TAF1L: variants seen among roughly 807,000 people sequenced by gnomAD.
TAF1L encodes the protein transcription initiation factor TFIID subunit 1-like.
A neutral mutation model predicts 128.8 loss-of-function variants in TAF1L; 30 were observed. The observed-to-expected ratio is 0.23, with a 90% CI of 0.17 to 0.32. The LOEUF is 0.32. Among genes scored for constraint, TAF1L ranks in the 10% least tolerant of loss-of-function variants. The pLI is 1.00. For missense variants in TAF1L, 2,099 were observed against 2,253.7 expected, an observed-to-expected ratio of 0.93 and a Z score of 1.39; for synonymous variants, 764 against 790.7, an observed-to-expected ratio of 0.97 and a Z score of 0.57.
Position 32,635,094 on chromosome 9 carries a change from C to G in TAF1L, c.486G>C (p.Pro162=), listed in dbSNP as rs538824130. 2 of 1,613,794 alleles carry G rather than the reference C, an allele frequency of 1.2e-6. No individual in the cohort carries two copies. The highest frequency in any genetic ancestry group is 1.3e-5 in the African/African-American group (1 of 74,912). ...GGTCCTTATCCTTCTTCATTGGTCC[C>G]GGGGGTGGAGGTGGAGGAGGCATCA... is the stretch of plus-strand genomic sequence containing the variant. ...CKLMPPPPPP[P]GPMKKDKDQD... is the part of the protein sequence containing the mutation. The change falls in exon 1 of 1, where the codon CCG becomes CCC. Residue 162 remains proline (P), a synonymous_variant. Transcript: ENST00000242310.
In TAF1L at chr9:32,631,052, A is replaced by G. The variant is rs1441028124; in HGVS notation, c.4528T>C (p.Leu1510=). The change falls in exon 1 of 1, where the codon TTA becomes CTA. Residue 1510 remains leucine, a synonymous_variant. Transcript: ENST00000242310. The surrounding 1 kb of genome is among the most constrained non-coding windows in gnomAD (Gnocchi z 4.1). ...LKEKEDKLAR[L]EKAINPLLDD... ...AGCAAGGGGTTGATAGCTTTCTCTAAGCGAGCTAATTTGTCTTCTTTCTCT... is the reference window on the plus strand; with the variant it reads ...AGCAAGGGGTTGATAGCTTTCTCTAGGCGAGCTAATTTGTCTTCTTTCTCT... The G allele has an allele frequency of 6.2e-7, 1 of 1,614,072 alleles. No homozygotes were observed. The highest frequency in any genetic ancestry group is 1.1e-5 in the South Asian group (1 of 91,084).
rs1381253882 is a variant in TAF1L at position 32,630,432 on chromosome 9, A to G, written c.5148T>C (p.Ser1716=). 6.2e-7 allele frequency: 1 copy of G among 1,614,190 alleles called. No individual in the cohort carries two copies. The highest frequency in any genetic ancestry group is 8.5e-7 in the Non-Finnish European group (1 of 1,180,042). ...QGQGRLGEED[S]DVDVEGYDDE... Reference sequence around the variant, plus strand: ...CATCATACCCTTCAACATCCACATCAGAGTCTTCCTCACCCAGCCTACCTT... The same window carrying G: ...CATCATACCCTTCAACATCCACATCGGAGTCTTCCTCACCCAGCCTACCTT... The change falls in exon 1 of 1, where the codon TCT becomes TCC. Residue 1716 remains serine, a synonymous_variant. Transcript: ENST00000242310.
Position 32,633,512 on chromosome 9 carries a change from G to C in TAF1L, c.2068C>G (p.Leu690Val). 6.2e-7 allele frequency: 1 copy of C among 1,614,184 alleles called. No homozygotes were observed. Among genetic ancestry groups the C allele is most frequent in the African/African-American group, 1.3e-5 (1 of 75,038 alleles). ...ATAAGATCTCCATCTTTGCCTGTGA[G>C]ATCCTGAGGTGTGCGCATAAAAAAC... ...ELFFMRTPQDLTGKDGDLILA... is the reference protein window; with the variant it reads ...ELFFMRTPQDVTGKDGDLILA... The change falls in exon 1 of 1, where the codon CTC becomes GTC. Residue 690 changes from leucine to valine, a missense_variant. By Grantham distance (32) the Leu-to-Val change is conservative. Coordinates refer to ENST00000242310, the MANE Select transcript of TAF1L (RefSeq NM_153809.2).
chr9:32,633,300 C>T lies in TAF1L; in HGVS notation c.2280G>A (p.Gln760=). 6.2e-7 allele frequency: 1 copy of T among 1,614,166 alleles called. No homozygotes were observed. The highest frequency in any genetic ancestry group is 8.5e-7 in the Non-Finnish European group (1 of 1,180,030). The change falls in exon 1 of 1, where the codon CAG becomes CAA. Residue 760 remains glutamine (Q), a synonymous_variant. Transcript: ENST00000242310. ...LGSLHPGQLL[Q]ALENNLFRAP... is the part of the protein sequence containing the mutation. ...CACGAAAAAGGTTGTTCTCAAGTGC[C>T]TGCAGTAATTGGCCAGGATGGAGAG...
chr9:32,631,138 G>C lies in TAF1L; in HGVS notation c.4442C>G (p.Pro1481Arg). The part of the protein sequence containing the change: ...IVKNSATYNG[P>R]KHSLTQISQS... ...AGAGATCTGAGTCAATGAATGTTTT[G>C]GCCCATTGTAGGTCGCACTGTTTTT... The change falls in exon 1 of 1, where the codon CCA (proline) becomes CGA (arginine). Residue 1481 changes from proline (P) to arginine (R), a missense_variant. By Grantham distance (103) the Pro-to-Arg change is moderately radical. Coordinates refer to ENST00000242310, the MANE Select transcript of TAF1L (RefSeq NM_153809.2). This position sits in a 1 kb window ranked among gnomAD's most constrained non-coding sequence, Gnocchi z 4.1. 3 of 1,614,122 alleles carry C rather than the reference G, an allele frequency of 1.9e-6. No homozygotes were observed. The highest frequency in any genetic ancestry group is 2.7e-5 in the African/African-American group (2 of 75,024).
rs1323461146 is a variant in TAF1L, at chr9:32,632,399, C to T, written c.3181G>A (p.Gly1061Arg). Residue 1061 changes from glycine to arginine, a missense_variant, in exon 1 of 1, where the codon GGG (glycine) becomes AGG (arginine). This residue lies in a region of TAF1L where 1,213 missense variants were observed against 1,391.4 expected (regional missense o/e 0.87). Transcript: ENST00000242310. This position sits in a 1 kb window ranked among gnomAD's most constrained non-coding sequence, Gnocchi z 4.4. ...MSTEQAHSGEGPMSKFARGSR... is the reference protein window; with the variant it reads ...MSTEQAHSGERPMSKFARGSR... ...CCACGGGCAAATTTACTCATGGGCC[C>T]CTCTCCAGAATGAGCCTGTTCTGTT... 7 of 1,614,070 alleles carry T rather than the reference C, an allele frequency of 4.3e-6. No homozygotes were observed. In the South Asian group the frequency reaches 6.6e-5, roughly 15 times the overall value.
chr9:32,634,965 G>C lies in TAF1L; in HGVS notation c.615C>G (p.Tyr205Ter). ...GTCCCATCTCAGATTCTGAATCAGAGTAACTACTGAAATCCACTTTCTCTG... is the reference window on the plus strand; with the variant it reads ...GTCCCATCTCAGATTCTGAATCAGACTAACTACTGAAATCCACTTTCTCTG... ...LASEKVDFSS[Y>*]SDSESEMGPQ... Residue 205 changes from tyrosine to a stop codon, truncating the protein, a stop_gained, in exon 1 of 1, where the codon TAC becomes TAG. Transcript: ENST00000242310. LOFTEE classifies it high-confidence loss of function. 6.2e-7 allele frequency: 1 copy of C among 1,614,130 alleles called. No homozygotes were observed. The highest frequency in any genetic ancestry group is 8.5e-7 in the Non-Finnish European group (1 of 1,180,032).
chr9:32,634,775 T>C lies in TAF1L; in HGVS notation c.805A>G (p.Lys269Glu), dbSNP rs1401193369. ...LRFLHLFGPG[K>E]NVPSVWRSAR... ...CTCCGCCAAACAGATGGGACATTCT[T>C]CCCTGGTCCAAAAAGATGTAGGAAG... Residue 269 changes from lysine to glutamate, a missense_variant, in exon 1 of 1, where the codon AAG becomes GAG. Around this residue, in one of 4 missense-constraint regions of TAF1L, gnomAD observed 473 missense variants for 429.6 expected, o/e 1.10. Coordinates refer to ENST00000242310, the MANE Select transcript of TAF1L (RefSeq NM_153809.2). The C allele has an allele frequency of 6.2e-7, 1 of 1,614,192 alleles. No homozygotes were observed. The highest frequency in any genetic ancestry group is 8.5e-7 in the Non-Finnish European group (1 of 1,180,030).
rs1482382382 is a variant in TAF1L, at chr9:32,632,685, A to G, written c.2895T>C (p.Cys965=). ...CTGCCACCCCAGTCACCTCTAGGAG[A>G]CACTTGCCCTTCATGGCAGCAATGA... ...RAFIAAMKGK[C]LLEVTGVADP... Residue 965 remains cysteine (C), a synonymous_variant, in exon 1 of 1, where the codon TGT becomes TGC. Coordinates refer to ENST00000242310, the MANE Select transcript of TAF1L (RefSeq NM_153809.2). The surrounding 1 kb of genome is among the most constrained non-coding windows in gnomAD (Gnocchi z 4.4). The G allele has an allele frequency of 6.2e-7, 1 of 1,614,164 alleles. No homozygotes were observed. The highest frequency in any genetic ancestry group is 1.7e-5 in the Admixed American group (1 of 60,018).
In TAF1L at chr9:32,635,603, G is replaced by T. The variant is rs773992512; in HGVS notation, c.-24C>A. On this transcript the variant is annotated 5_prime_UTR_variant, in exon 1 of 1. Transcript: ENST00000242310. ...ATAAACCGGAAATAAAACAACAGTC[G>T]CCCGGAAGTGATCTACTTAGCTCCC... The T allele has an allele frequency of 3.5e-6, 5 of 1,439,434 alleles. No individual in the cohort carries two copies. In the East Asian group the frequency reaches 1.3e-4, roughly 37 times the overall value. The allele number at this position is 1,439,434 out of a possible 1,614,324, so 89.2% of individuals were successfully genotyped here. A position where few individuals can be genotyped will look rare whatever the true frequency, so the allele number is the denominator to read the frequency against.
In TAF1L at chr9:32,633,697, G is replaced by C; in HGVS notation, c.1883C>G (p.Pro628Arg). ...GCGATGGAACTGCCGGATTTTGATG[G>C]GCCCCATGTGGGTGGGAAAGAAGGG... is the stretch of plus-strand genomic sequence containing the variant. ...WQPFFPTHMG[P>R]IKIRQFHRPP... Residue 628 changes from proline to arginine, a missense_variant, in exon 1 of 1, where the codon CCC (proline) becomes CGC (arginine). Transcript: ENST00000242310. 1 of 1,614,186 alleles carries C rather than the reference G, an allele frequency of 6.2e-7. No homozygotes were observed. The highest frequency in any genetic ancestry group is 8.5e-7 in the Non-Finnish European group (1 of 1,180,028).
In TAF1L at chr9:32,631,365, T is replaced by G. The variant is rs779802760; in HGVS notation, c.4215A>C (p.Ser1405=). ...CATTGATGATAGACTCCAGGATGGA[T>G]GACAGCGTCACCATAGGGTCTGTGC... ...RRRTDPMVTL[S]SILESIINDM... The change falls in exon 1 of 1, where the codon TCA becomes TCC. Residue 1405 remains serine, a synonymous_variant. Coordinates refer to ENST00000242310, the MANE Select transcript of TAF1L (RefSeq NM_153809.2). The surrounding 1 kb of genome is among the most constrained non-coding windows in gnomAD (Gnocchi z 4.1). 3.1e-6 allele frequency: 5 copies of G among 1,614,190 alleles called. No individual in the cohort carries two copies. The highest frequency in any genetic ancestry group is 4.2e-6 in the Non-Finnish European group (5 of 1,180,040).
chr9:32,630,845 G>A lies in TAF1L; in HGVS notation c.4735C>T (p.His1579Tyr). The change falls in exon 1 of 1, where the codon CAC (histidine) becomes TAC (tyrosine). Residue 1579 changes from histidine to tyrosine, a missense_variant. This residue lies in a region of TAF1L where 404 missense variants were observed against 406.5 expected (regional missense o/e 0.99). Transcript: ENST00000242310. ...AAACTCTCCCGACTCTGATACTTGT[G>A]CTTGGAGATGTTCTTACGTATGGTC... is the stretch of plus-strand genomic sequence containing the variant. ...LETIRKNISK[H>Y]KYQSRESFLD... 6.2e-7 allele frequency: 1 copy of A among 1,614,166 alleles called. No individual in the cohort carries two copies. The highest frequency in any genetic ancestry group is 8.5e-7 in the Non-Finnish European group (1 of 1,180,038).
Position 32,632,638 on chromosome 9 carries a change from C to G in TAF1L, c.2942G>C (p.Gly981Ala). 1.2e-6 allele frequency: 2 copies of G among 1,614,182 alleles called. No individual in the cohort carries two copies. Among genetic ancestry groups the G allele is most frequent in the South Asian group, 2.2e-5 (2 of 91,084 alleles). The part of the protein sequence containing the change: ...GVADPTGCGE[G>A]FSYVKIPNKP... ...ATTTGGAATCTTCACATAGGAGAAT[C>G]CTTCACCACACCCTGTGGGATCTGC... The change falls in exon 1 of 1, where the codon GGA becomes GCA. Residue 981 changes from glycine (G) to alanine (A), a missense_variant. Gly to Ala is a moderately conservative substitution (Grantham distance 60, BLOSUM62 0). Coordinates refer to ENST00000242310, the MANE Select transcript of TAF1L (RefSeq NM_153809.2). The surrounding 1 kb of genome is among the most constrained non-coding windows in gnomAD (Gnocchi z 4.4).
chr9:32,631,000 G>A lies in TAF1L; in HGVS notation c.4580C>T (p.Ser1527Phe). Residue 1527 changes from serine to phenylalanine, a missense_variant, in exon 1 of 1, where the codon TCT (serine) becomes TTT (phenylalanine). Ser to Phe is a radical substitution (Grantham distance 155). Around this residue, in one of 4 missense-constraint regions of TAF1L, gnomAD observed 404 missense variants for 406.5 expected, o/e 0.99. Coordinates refer to ENST00000242310, the MANE Select transcript of TAF1L (RefSeq NM_153809.2). ...LLDDDDQVAF[S>F]FILDNIVTQK... ...GGTGACAATGTTGTCCAGAATGAAA[G>A]AAAATGCCACTTGGTCATCATCATC... is the stretch of plus-strand genomic sequence containing the variant. The A allele has an allele frequency of 6.2e-7, 1 of 1,614,224 alleles. No individual in the cohort carries two copies.
chr9:32,630,721 T>G lies in TAF1L; in HGVS notation c.4859A>C (p.Tyr1620Ser). ...KTAQEIVNICYQTITEYDEHL... is the reference protein window; with the variant it reads ...KTAQEIVNICSQTITEYDEHL... ...CTCATCATACTCAGTAATTGTCTGGTAACAGATGTTCACAATCTCCTGAGC... is the reference window on the plus strand; with the variant it reads ...CTCATCATACTCAGTAATTGTCTGGGAACAGATGTTCACAATCTCCTGAGC... Residue 1620 changes from tyrosine to serine, a missense_variant, in exon 1 of 1, where the codon TAC (tyrosine) becomes TCC (serine). Physicochemically the swap from Tyr to Ser is moderately radical, Grantham distance 144. Around this residue, in one of 4 missense-constraint regions of TAF1L, gnomAD observed 404 missense variants for 406.5 expected, o/e 0.99. Transcript: ENST00000242310. The G allele has an allele frequency of 6.2e-7, 1 of 1,614,236 alleles. No homozygotes were observed. Among genetic ancestry groups the G allele is most frequent in the Non-Finnish European group, 8.5e-7 (1 of 1,180,040 alleles).
Position 32,631,011 on chromosome 9 carries a change from T to C in TAF1L, c.4569A>G (p.Gln1523=). ...TGTCCAGAATGAAAGAAAATGCCAC[T>C]TGGTCATCATCATCCAGCAAGGGGT... ...AINPLLDDDD[Q]VAFSFILDNI... The change falls in exon 1 of 1, where the codon CAA becomes CAG. Residue 1523 remains glutamine (Q), a synonymous_variant. Coordinates refer to ENST00000242310, the MANE Select transcript of TAF1L (RefSeq NM_153809.2). This position sits in a 1 kb window ranked among gnomAD's most constrained non-coding sequence, Gnocchi z 4.1. The C allele has an allele frequency of 3.1e-6, 5 of 1,614,246 alleles. No homozygotes were observed. The highest frequency in any genetic ancestry group is 4.2e-6 in the Non-Finnish European group (5 of 1,180,048).
In TAF1L at chr9:32,629,860, T is replaced by C. The variant is rs1587669835; in HGVS notation, c.*239A>G. 1.4e-6 allele frequency: 1 copy of C among 712,880 alleles called. No homozygotes were observed. The highest frequency in any genetic ancestry group is 2.3e-6 in the Non-Finnish European group (1 of 432,696). The allele number at this position is 712,880 out of a possible 1,614,324, so 44.2% of individuals were successfully genotyped here. A position where few individuals can be genotyped will look rare whatever the true frequency, so the allele number is the denominator to read the frequency against. ...TTTTAGTAGAGATGAAGTTTCGACATGTTGGCCAAGCTGGTCTCGAACTGA... is the reference window on the plus strand; with the variant it reads ...TTTTAGTAGAGATGAAGTTTCGACACGTTGGCCAAGCTGGTCTCGAACTGA... On this transcript the variant is annotated 3_prime_UTR_variant, in exon 1 of 1. Transcript: ENST00000242310.
In TAF1L at chr9:32,632,817, G is replaced by A. The variant is rs1388464212; in HGVS notation, c.2763C>T (p.Gly921=). The A allele has an allele frequency of 1.2e-6, 2 of 1,614,158 alleles. No homozygotes were observed. The highest frequency in any genetic ancestry group is 1.7e-6 in the Non-Finnish European group (2 of 1,180,042). Residue 921 remains glycine, a synonymous_variant, in exon 1 of 1, where the codon GGC becomes GGT. Coordinates refer to ENST00000242310, the MANE Select transcript of TAF1L (RefSeq NM_153809.2). The surrounding 1 kb of genome is among the most constrained non-coding windows in gnomAD (Gnocchi z 4.4). ...IAAKQRLKDA[G]YGEKSFFAPE... ...GGGCAAAAAAGGATTTCTCACCATA[G>A]CCAGCATCCTTCAGTCGTTGCTTTG...
Sources: gnomAD v4.1 joint callset for allele counts on GRCh38, gnomAD v4.1.1 for gene constraint, gnomAD v4.1.1 regional missense constraint, Gnocchi (gnomAD v3.1) non-coding constraint, MANE v1.5 for transcripts, NCBI Gene and HGNC (gene_info 2026-07-23, HGNC 2026-07-21) for gene names.